CNPY1: variants seen among roughly 807,000 people sequenced by gnomAD.
The protein encoded by CNPY1 is protein canopy homolog 1.
Under a neutral mutation model 14.4 loss-of-function variants are expected in CNPY1, and 14 were observed. The ratio of observed to expected loss-of-function variants is 0.97; its 90% confidence interval spans 0.64 to 1.52. The LOEUF is 1.52. CNPY1 is among the 40% of genes most tolerant of loss of function. The pLI is 0.00. For missense variants in CNPY1, 129 were observed against 131.5 expected (o/e 0.98, Z 0.09); for synonymous variants, 43 against 46.5 (o/e 0.92, Z 0.31).
rs57894007 is a variant in CNPY1, at chr7:155,527,060, T to TCTTTCTTTCTTTCTTTCTTTC, written c.100-17964_100-17963insGAAAGAAAGAAAGAAAGAAAG. Among the ~76,000 whole-genome samples the TCTTTCTTTCTTTCTTTCTTTC allele has an allele frequency of 1.4e-4, 19 of 140,112 alleles. 1 individual carries two copies. The highest frequency in any genetic ancestry group is 2.2e-4 in the Admixed American group (3 of 13,778). 91.9% of individuals were successfully genotyped at this position (140,112 alleles called of 152,430 possible). A position where few individuals can be genotyped will look rare whatever the true frequency, so the allele number is the denominator to read the frequency against. On this transcript the variant is annotated intron_variant, in intron 2 of 4. Transcript: ENST00000636446. ...TTTCTTTCTTTCTTTCTTTCTTTTT[T>TCTTTCTTTCTTTCTTTCTTTC]TTTTTTTTTTTGAGACAGTCTTGCT...
At chr7:155,524,946 T>C (rs1203528417) in intron 2 of CNPY1, among the ~76,000 whole-genome samples, 1 of 152,086 alleles carries the variant, frequency 6.6e-6, no homozygotes, top group Non-Finnish European at 1.5e-5. Context: ...AGGTGGTGGC[T>C]AGCACAACCC....
At chr7:155,504,032 T>C (rs562307051) in intron 4 of CNPY1, among the ~76,000 whole-genome samples, 33 of 152,186 alleles carry the variant, frequency 2.2e-4, no homozygotes, top group Non-Finnish European at 3.7e-4. Context: ...GTCTGAACTA[T>C]ATGCCCCAAG....
chr7:155,528,994 G>T (rs1796886289), intron 2 of CNPY1, among the ~76,000 whole-genome samples: 1 of 151,888 alleles, frequency 6.6e-6, no homozygotes, highest in African/African-American at 2.4e-5. Context: ...CCAGAAGGCG[G>T]AGCTTGCAGT....
At chr7:155,517,024 C>T (rs970713413) in intron 2 of CNPY1, among the ~76,000 whole-genome samples, 1 of 152,190 alleles carries the variant, frequency 6.6e-6, no homozygotes, top group Non-Finnish European at 1.5e-5. Flanking sequence ...ACTTCTGCAG[C>T]AGCTGCTGCA....
At chr7:155,546,120 CTTTT>C (rs370194600) in intron 1 of CNPY1, among the ~76,000 whole-genome samples, 177 bp from the exon 2 acceptor site, 55 of 152,212 alleles carry the variant, frequency 3.6e-4, no homozygotes, top group African/African-American at 1.3e-3. Context: ...ACAGAGACGA[CTTTT>C]TTTATGTTCC....
intron 2 of CNPY1, among the ~76,000 whole-genome samples, chr7:155,524,252 G>C (rs2361693): frequency 6.6e-6 from 1 of 152,194 alleles, no homozygotes; most frequent in Admixed American, 6.5e-5. Context: ...GGCACTGCGC[G>C]AGCCACACCT....
intron 2 of CNPY1, among the ~76,000 whole-genome samples, chr7:155,539,048 C>A (rs1256188322): frequency 6.6e-6 from 1 of 152,196 alleles, no homozygotes; most frequent in Non-Finnish European, 1.5e-5. Flanking sequence ...TTCTTTGTCG[C>A]TCCCCACCCC....
chr7:155,506,913 T>G, intron 4 of CNPY1, 107 bp downstream of exon 4: 8 of 689,974 alleles, frequency 1.2e-5, no homozygotes, highest in Middle Eastern at 2.9e-4. Flanking sequence ...GTCAGAGCCG[T>G]GGATCGCAGA....
At chr7:155,544,783 C>A (rs904821728) in intron 2 of CNPY1, among the ~76,000 whole-genome samples, 1 of 152,210 alleles carries the variant, frequency 6.6e-6, no homozygotes, top group Non-Finnish European at 1.5e-5. Context: ...CCAGACACGG[C>A]TCTTGAAGGA....
intron 4 of CNPY1, among the ~76,000 whole-genome samples, chr7:155,504,182 T>C (rs1796216329): frequency 6.6e-6 from 1 of 152,216 alleles, no homozygotes; most frequent in Admixed American, 6.5e-5. Flanking sequence ...TTCTATCCAG[T>C]ATATAAACTG....
chr7:155,534,473 A>G (rs1796999624), intron 2 of CNPY1, among the ~76,000 whole-genome samples: 1 of 152,198 alleles, frequency 6.6e-6, no homozygotes, highest in South Asian at 2.1e-4. Flanking sequence ...ACTCGATGCG[A>G]ACACTTGCTC....
intron 4 of CNPY1, among the ~76,000 whole-genome samples, chr7:155,504,240 A>T (rs752415650): frequency 1.3e-4 from 20 of 152,084 alleles, no homozygotes; most frequent in Middle Eastern, 3.4e-3. Flanking sequence ...TTTCATGGAT[A>T]TTTTTTTTCA....
chr7:155,515,773 T>C (rs934087023), intron 2 of CNPY1, among the ~76,000 whole-genome samples: 2 of 152,180 alleles, frequency 1.3e-5, no homozygotes, highest in African/African-American at 4.8e-5. Flanking sequence ...CTCTTTTCAA[T>C]GAGCGTTCAT....
rs941099032 is a variant in CNPY1, at chr7:155,509,178, C to A, written c.100-81G>T. On this transcript the variant is annotated intron_variant, in intron 2 of 4. Coordinates refer to ENST00000636446, the MANE Select transcript of CNPY1 (RefSeq NM_001393663.1). ...ACCTTCCGGCGAGTCCACATGGAAACGCCACACTCTCCCTGAATGCAAACG... is the reference window on the plus strand; with the variant it reads ...ACCTTCCGGCGAGTCCACATGGAAAAGCCACACTCTCCCTGAATGCAAACG... 23 of 732,678 alleles carry A rather than the reference C, an allele frequency of 3.1e-5. 1 individual carries two copies. The African/African-American group carries it at 4.1e-4, about 13-fold the overall frequency. 45.4% of individuals were successfully genotyped at this position (732,678 alleles called of 1,614,324 possible). A position where few individuals can be genotyped will look rare whatever the true frequency, so the allele number is the denominator to read the frequency against.
intron 2 of CNPY1, among the ~76,000 whole-genome samples, chr7:155,516,779 C>G (rs752483987): frequency 2.6e-5 from 4 of 152,192 alleles, no homozygotes; most frequent in African/African-American, 4.8e-5. Context: ...CAGGGTGACA[C>G]TCGGGCCATT....
At chr7:155,522,224 T>C (rs1796739762) in intron 2 of CNPY1, among the ~76,000 whole-genome samples, 1 of 152,238 alleles carries the variant, frequency 6.6e-6, no homozygotes, top group Non-Finnish European at 1.5e-5. Context: ...AGGTGCAGTC[T>C]TCTGTGACAG....
At chr7:155,505,780 T>C (rs1410786732) in intron 4 of CNPY1, among the ~76,000 whole-genome samples, 2 of 152,374 alleles carry the variant, frequency 1.3e-5, no homozygotes, top group African/African-American at 4.8e-5. Context: ...TTTAAAAACA[T>C]TTCCTGTGGG....
intron 2 of CNPY1, among the ~76,000 whole-genome samples, chr7:155,511,556 T>A (rs1048615175): frequency 9.2e-5 from 14 of 152,238 alleles, no homozygotes; most frequent in African/African-American, 3.4e-4. Flanking sequence ...TTGAATATGC[T>A]ACTGTTTTGC....
chr7:155,527,847 C>T (rs890980199), intron 2 of CNPY1, among the ~76,000 whole-genome samples: 4 of 152,178 alleles, frequency 2.6e-5, no homozygotes, highest in African/African-American at 7.2e-5. Context: ...CCTGGAAAGC[C>T]ACACACAGGG....
Sources: allele counts gnomAD v4.1 joint callset (sites outside exome capture counted in the v4.1 genomes callset), GRCh38; gene constraint gnomAD v4.1.1; transcripts MANE v1.5; gene names NCBI Gene and HGNC (gene_info 2026-07-23, HGNC 2026-07-21).